The following LRRC7 variants were observed in gnomAD, a reference collection of about 807,000 sequenced individuals.
LRRC7 encodes leucine-rich repeat-containing protein 7.
A neutral mutation model predicts 175.7 loss-of-function variants in LRRC7; 23 were observed. That is an observed-to-expected ratio of 0.13 (90% CI 0.09 to 0.19). The LOEUF (loss-of-function observed/expected upper bound fraction) is 0.19, where lower values mean the gene tolerates loss of function less well. Among genes scored for constraint, LRRC7 ranks in the 10% least tolerant of loss-of-function variants. The probability of loss-of-function intolerance (pLI) is 1.00; values close to 1 mark genes in which losing one functional copy is unlikely to be tolerated. For missense variants in LRRC7, 1,354 were observed against 1,904.7 expected, an observed-to-expected ratio of 0.71 and a Z score of 5.38; for synonymous variants, 685 against 680.9, an observed-to-expected ratio of 1.01 and a Z score of -0.09.
In LRRC7 at chr1:70,139,618, G is replaced by A. The variant is rs909142329; in HGVS notation, c.*17731G>A. Reference sequence around the variant, plus strand: ...GTGTGCCATTACTATTTGAAAACTAGCTCTGCAGGAAGGGTTAAATCAAAT... The same window carrying A: ...GTGTGCCATTACTATTTGAAAACTAACTCTGCAGGAAGGGTTAAATCAAAT... On this transcript the variant is annotated 3_prime_UTR_variant, in exon 27 of 27. Coordinates refer to ENST00000651989, the MANE Select transcript of LRRC7 (RefSeq NM_001370785.2). 4 of 152,114 alleles carry A rather than the reference G, an allele frequency of 2.6e-5. No homozygotes were observed. Among genetic ancestry groups the A allele is most frequent in the African/African-American group, 9.7e-5 (4 of 41,408 alleles). The allele number at this position is 152,114 out of a possible 1,614,324, so 9.4% of individuals were successfully genotyped here. A position where few individuals can be genotyped will look rare whatever the true frequency, so the allele number is the denominator to read the frequency against.
At chr1:69,737,837 T>C (rs1668287284) in intron 2 of LRRC7, among the ~76,000 whole-genome samples, 3 of 152,090 alleles carry the variant, frequency 2.0e-5, no homozygotes, top group Admixed American at 2.0e-4. Flanking sequence ...CACAGTCTCA[T>C]ACCAGAGTTT....
At chr1:70,008,473 T>C (rs1656191816) in intron 11 of LRRC7, among the ~76,000 whole-genome samples, 1 of 152,206 alleles carries the variant, frequency 6.6e-6, no homozygotes, top group African/African-American at 2.4e-5. Flanking sequence ...GCCATGATGC[T>C]TGAATGTTTT....
chr1:70,003,001 G>T (rs1234745869), intron 11 of LRRC7, among the ~76,000 whole-genome samples: 1 of 152,118 alleles, frequency 6.6e-6, no homozygotes, highest in Non-Finnish European at 1.5e-5. Context: ...TCATGGATGG[G>T]GTGGCATAAA....
intron 7 of LRRC7, among the ~76,000 whole-genome samples, chr1:69,910,648 A>T (rs778810979): frequency 1.3e-5 from 2 of 152,194 alleles, no homozygotes; most frequent in Non-Finnish European, 2.9e-5. Flanking sequence ...CTCGGGGGTC[A>T]AGGACCTGCT....
At chr1:69,791,206 G>A (rs1348740433) in intron 3 of LRRC7, among the ~76,000 whole-genome samples, 3 of 151,920 alleles carry the variant, frequency 2.0e-5, no homozygotes, top group Non-Finnish European at 2.9e-5. Flanking sequence ...AAGATGAATT[G>A]GACAGAGCTA....
intron 7 of LRRC7, among the ~76,000 whole-genome samples, chr1:69,903,588 A>G (rs949795420): frequency 6.6e-6 from 1 of 152,172 alleles, no homozygotes; most frequent in Non-Finnish European, 1.5e-5. Flanking sequence ...TAACATCACA[A>G]TTAAAAGAAC....
intron 4 of LRRC7, among the ~76,000 whole-genome samples, chr1:69,819,717 T>C (rs1679045970): frequency 6.6e-6 from 1 of 152,046 alleles, no homozygotes; most frequent in Non-Finnish European, 1.5e-5. Context: ...TTGCTTCATA[T>C]ATTTAGGTTA....
rs182413812 is a variant in LRRC7 at position 69,577,894 on chromosome 1, T to C, written c.2+9253T>C. Among the ~76,000 whole-genome samples, 294 of 152,280 alleles carry C rather than the reference T, an allele frequency of 1.9e-3. 1 individual carries two copies. Among genetic ancestry groups the C allele is most frequent in the African/African-American group, 6.8e-3 (281 of 41,564 alleles). On this transcript the variant is annotated intron_variant, in intron 1 of 26. Coordinates refer to ENST00000651989, the MANE Select transcript of LRRC7 (RefSeq NM_001370785.2). ...TTTTGGTTCCATATGAACTTTAAAG[T>C]AGTTTTTTCCAATTCTTTGAAGAAA...
Position 70,142,739 on chromosome 1 carries a change from C to A in LRRC7, c.*20852C>A, listed in dbSNP as rs1245555316. 6.6e-6 allele frequency: 1 copy of A among 152,052 alleles called. No individual in the cohort carries two copies. The highest frequency in any genetic ancestry group is 1.5e-5 in the Non-Finnish European group (1 of 67,952). The allele number at this position is 152,052 out of a possible 1,614,324, so 9.4% of individuals were successfully genotyped here. On this transcript the variant is annotated 3_prime_UTR_variant, in exon 27 of 27. Transcript: ENST00000651989. ...CTTTATAACTGCCCAAGGGCTCCCC[C>A]AACCAGCTATATATAAGAAAACCAT...
intron 1 of LRRC7, among the ~76,000 whole-genome samples, chr1:69,592,371 A>T (rs1188307234): frequency 6.6e-6 from 1 of 152,142 alleles, no homozygotes; most frequent in Non-Finnish European, 1.5e-5. Context: ...TGTAATTCAG[A>T]CAAACAAAAC....
chr1:69,980,599 A>G (rs1287248745), intron 9 of LRRC7, 146 bp downstream of exon 9: 1 of 599,740 alleles, frequency 1.7e-6, no homozygotes, highest in Non-Finnish European at 2.8e-6. Context: ...AAGTGTTTTC[A>G]CCATTTTTTT....
intron 2 of LRRC7, among the ~76,000 whole-genome samples, chr1:69,712,026 A>C (rs1296924986): frequency 6.6e-6 from 1 of 152,198 alleles, no homozygotes; most frequent in Non-Finnish European, 1.5e-5. Context: ...ATTGTATTTC[A>C]AAAATTTTGA....
intron 1 of LRRC7, among the ~76,000 whole-genome samples, chr1:69,620,946 T>C (rs1391945377): frequency 2.0e-5 from 3 of 152,176 alleles, no homozygotes; most frequent in Non-Finnish European, 4.4e-5. Context: ...CTGAGATAGC[T>C]TACCCAAAAT....
intron 24 of LRRC7, among the ~76,000 whole-genome samples, chr1:70,086,221 T>C (rs1663597415): frequency 6.6e-6 from 1 of 152,072 alleles, no homozygotes; most frequent in African/African-American, 2.4e-5. Flanking sequence ...ACTCCTGGTC[T>C]CAAGTGATCC....
chr1:69,810,946 G>A (rs779334361), intron 4 of LRRC7, among the ~76,000 whole-genome samples: 12 of 151,992 alleles, frequency 7.9e-5, no homozygotes, highest in Non-Finnish European at 1.0e-4. Context: ...ACTGAAGAGC[G>A]TCTGCACAGC....
intron 2 of LRRC7, among the ~76,000 whole-genome samples, chr1:69,759,044 A>T (rs1216705669): frequency 1.3e-5 from 2 of 151,978 alleles, no homozygotes; most frequent in African/African-American, 2.4e-5. Flanking sequence ...TGCCTGATAC[A>T]TGGGGAAATA....
At chr1:69,621,349 TG>T (rs1194336067) in intron 1 of LRRC7, among the ~76,000 whole-genome samples, 1 of 152,164 alleles carries the variant, frequency 6.6e-6, no homozygotes, top group African/African-American at 2.4e-5. Flanking sequence ...CCCAGCCTCT[TG>T]TATTTCTTTA....
At chr1:69,943,637 AC>A (rs1156494137) in intron 8 of LRRC7, among the ~76,000 whole-genome samples, 1 of 151,442 alleles carries the variant, frequency 6.6e-6, no homozygotes, top group Non-Finnish European at 1.5e-5. Flanking sequence ...AAACAATCTT[AC>A]TTTTGCAAAT....
intron 2 of LRRC7, among the ~76,000 whole-genome samples, chr1:69,709,804 A>C (rs1664513819): frequency 2.0e-5 from 3 of 152,196 alleles, no homozygotes; most frequent in Admixed American, 1.3e-4. Context: ...AGTTTGTAAT[A>C]ATGAAAAATT....
Sources: allele counts gnomAD v4.1 joint callset (sites outside exome capture counted in the v4.1 genomes callset), GRCh38; gene constraint gnomAD v4.1.1; transcripts MANE v1.5; gene names NCBI Gene and HGNC (gene_info 2026-07-23, HGNC 2026-07-21).